Variants in CCDC149 observed in about 807,000 individuals in gnomAD.
CCDC149 encodes coiled-coil domain containing 149.
CCDC149 carries 45 observed loss-of-function variants against 59.9 expected under a neutral mutation model. The ratio of observed to expected loss-of-function variants is 0.75; its 90% CI spans 0.59 to 0.96. CCDC149 has a LOEUF of 0.96. Among genes scored for constraint, CCDC149 ranks in the 40% least tolerant of loss-of-function variants. The pLI is 0.00. For synonymous variants in CCDC149, 245 were observed against 260.6 expected, an observed-to-expected ratio of 0.94 and a Z score of 0.58; for missense variants, 584 against 664.7, an observed-to-expected ratio of 0.88 and a Z score of 1.33.
chr4:24,938,015 C>G (rs748709569), intron 1 of CCDC149, among the ~76,000 whole-genome samples: 1 of 152,158 alleles, frequency 6.6e-6, no homozygotes, highest in Non-Finnish European at 1.5e-5. Flanking sequence ...CTATTCCTCT[C>G]TAAAAATACA....
chr4:24,892,419 A>T (rs1720582781), intron 1 of CCDC149, among the ~76,000 whole-genome samples: 1 of 152,200 alleles, frequency 6.6e-6, no homozygotes, highest in Non-Finnish European at 1.5e-5. Flanking sequence ...TATATTCATC[A>T]TCATCATCCA....
chr4:24,835,601 C>T (rs189727138), intron 7 of CCDC149, among the ~76,000 whole-genome samples: 426 of 152,300 alleles, frequency 2.8e-3, no homozygotes, highest in Non-Finnish European at 4.8e-3. Context: ...AATGCATCCA[C>T]ACATTTTTAA....
intron 3 of CCDC149, among the ~76,000 whole-genome samples, chr4:24,856,936 G>C (rs1718049270): frequency 6.6e-6 from 1 of 152,248 alleles, no homozygotes; most frequent in South Asian, 2.1e-4. Flanking sequence ...CCCAGCGCTT[G>C]CTCGGTCTGG....
chr4:24,827,389 C>T (rs902749806), intron 9 of CCDC149: 1 of 152,380 alleles, frequency 6.6e-6, no homozygotes, highest in African/African-American at 2.4e-5. Context: ...TTTCCAAGCT[C>T]ATTTACCATT....
chr4:24,904,312 A>G (rs529890887), intron 1 of CCDC149, among the ~76,000 whole-genome samples: 272 of 152,338 alleles, frequency 1.8e-3, no homozygotes, highest in African/African-American at 6.0e-3. Flanking sequence ...TGTTAAAACT[A>G]TCAGCTTTTA....
intron 1 of CCDC149, among the ~76,000 whole-genome samples, chr4:24,890,958 T>C (rs1244654704): frequency 6.6e-6 from 1 of 152,236 alleles, no homozygotes; most frequent in African/African-American, 2.4e-5. Flanking sequence ...CTCAGAGTCA[T>C]CGCTAAAGGG....
intron 11 of CCDC149, 187 bp from the exon 12 acceptor site, chr4:24,820,162 GCACA>G (rs369360752): frequency 3.8e-6 from 2 of 526,256 alleles, no homozygotes; most frequent in Non-Finnish European, 6.8e-6. Flanking sequence ...CCTAACCCTT[GCACA>G]CACACACACA....
intron 1 of CCDC149, among the ~76,000 whole-genome samples, chr4:24,879,670 A>G (rs1294914367): frequency 6.7e-6 from 1 of 148,528 alleles, no homozygotes; most frequent in Admixed American, 6.8e-5. Flanking sequence ...GGGTGACAGC[A>G]TAAGACTCCA....
intron 1 of CCDC149, among the ~76,000 whole-genome samples, chr4:24,972,993 C>T (rs1724025031): frequency 6.6e-6 from 1 of 152,184 alleles, no homozygotes; most frequent in Admixed American, 6.5e-5. Flanking sequence ...GAAGCTTCAT[C>T]TATGTAACAA....
At chr4:24,912,760 C>T (rs113803310) in intron 1 of CCDC149, 57 bp downstream of exon 1, 118,550 of 1,165,032 alleles carry the variant, frequency 0.1, 6,438 homozygotes, top group Middle Eastern at 0.13. Context: ...GGCGCGGGCC[C>T]GGGGCTGGCG....
intron 4 of CCDC149, among the ~76,000 whole-genome samples, chr4:24,840,599 G>T (rs565039915): frequency 6.6e-6 from 1 of 152,052 alleles, no homozygotes; most frequent in Non-Finnish European, 1.5e-5. Context: ...TCTAGTGAGC[G>T]TCCCACATTT....
intron 4 of CCDC149, among the ~76,000 whole-genome samples, chr4:24,842,499 T>C (rs1716997916): frequency 6.6e-6 from 1 of 152,212 alleles, no homozygotes; most frequent in Non-Finnish European, 1.5e-5. Flanking sequence ...CCAGCCTCCC[T>C]GTGCCAACCC....
chr4:24,870,937 CG>C (rs899175587), intron 3 of CCDC149, among the ~76,000 whole-genome samples: 3 of 149,380 alleles, frequency 2.0e-5, no homozygotes, highest in African/African-American at 4.9e-5. Context: ...CCCAGCAACT[CG>C]GGGGGCTAAG....
intron 9 of CCDC149, 22 bp from the exon 10 acceptor site, chr4:24,822,595 ACAAT>A (rs756920908): frequency 6.7e-7 from 1 of 1,502,516 alleles, no homozygotes. Context: ...GGAGAAAATG[ACAAT>A]CAATTACTGA....
chr4:24,862,521 C>T (rs753935815), intron 3 of CCDC149, among the ~76,000 whole-genome samples: 9 of 152,202 alleles, frequency 5.9e-5, no homozygotes, highest in Non-Finnish European at 8.8e-5. Context: ...TCTCTCATCA[C>T]TGCCTATGCG....
At chr4:24,935,318 A>G (rs1283557192) in intron 1 of CCDC149, among the ~76,000 whole-genome samples, 1 of 152,200 alleles carries the variant, frequency 6.6e-6, no homozygotes, top group Non-Finnish European at 1.5e-5. Context: ...AAGACACAAG[A>G]AGAGCAAATT....
At chr4:24,911,326 A>G (rs1464663324) in intron 1 of CCDC149, among the ~76,000 whole-genome samples, 1 of 152,148 alleles carries the variant, frequency 6.6e-6, no homozygotes, top group African/African-American at 2.4e-5. Flanking sequence ...TTCCTCCCAG[A>G]CTATATCATG....
chr4:24,939,252 G>T (rs1577495511), intron 1 of CCDC149, among the ~76,000 whole-genome samples: 1 of 152,322 alleles, frequency 6.6e-6, no homozygotes, highest in African/African-American at 2.4e-5. Flanking sequence ...CTGCTGTTCT[G>T]CAGCCACTGC....
intron 1 of CCDC149, among the ~76,000 whole-genome samples, chr4:24,958,737 G>A (rs573665981): frequency 1.3e-5 from 2 of 152,158 alleles, no homozygotes; most frequent in African/African-American, 4.8e-5. Context: ...ATGAAAAACA[G>A]AGAAGAAAAA....
Sources: gnomAD v4.1 joint callset for allele counts (sites outside exome capture counted in the v4.1 genomes callset) on GRCh38, gnomAD v4.1.1 for gene constraint, MANE v1.5 for transcripts, NCBI Gene and HGNC (gene_info 2026-07-23, HGNC 2026-07-21) for gene names.